Variants in RALYL observed in about 807,000 individuals in gnomAD.
RALYL encodes the protein RNA-binding Raly-like protein.
Under a neutral mutation model 35.1 loss-of-function variants are expected in RALYL, and 29 were observed. The observed-to-expected ratio is 0.83, with a 90% CI of 0.61 to 1.13. The LOEUF is 1.13. Among genes scored for constraint, RALYL ranks in the 50% most tolerant of loss-of-function variants. The pLI, the probability that RALYL is intolerant of heterozygous loss-of-function variation, is 0.00. For missense variants in RALYL, 359 were observed against 360.4 expected, an observed-to-expected ratio of 1.00 and a Z score of 0.03; for synonymous variants, 120 against 127.6, an observed-to-expected ratio of 0.94 and a Z score of 0.40.
intron 8 of RALYL, among the ~76,000 whole-genome samples, chr8:84,904,065 T>G (rs1446529003): frequency 6.6e-6 from 1 of 152,204 alleles, no homozygotes; most frequent in Non-Finnish European, 1.5e-5. Context: ...AATCGCAGAT[T>G]ATATTCTAAA....
chr8:84,437,946 A>G (rs556901889), intron 1 of RALYL, among the ~76,000 whole-genome samples: 2 of 152,142 alleles, frequency 1.3e-5, no homozygotes. Context: ...ACCTCTTTTC[A>G]TTATCAATTA....
chr8:84,575,692 G>A (rs941736967), intron 2 of RALYL, among the ~76,000 whole-genome samples: 1 of 152,060 alleles, frequency 6.6e-6, no homozygotes, highest in African/African-American at 2.4e-5. Flanking sequence ...TAATGGGAGG[G>A]GATTTTATCT....
intron 8 of RALYL, among the ~76,000 whole-genome samples, chr8:84,918,379 G>A (rs908158088): frequency 1.3e-5 from 2 of 151,946 alleles, no homozygotes; most frequent in African/African-American, 4.8e-5. Flanking sequence ...TTGTCAAGTA[G>A]AAGTAATTGC....
At chr8:84,654,312 T>C (rs1829521844) in intron 2 of RALYL, among the ~76,000 whole-genome samples, 1 of 129,856 alleles carries the variant, frequency 7.7e-6, no homozygotes, top group Non-Finnish European at 1.6e-5. Context: ...TATATATATA[T>C]ATCATGTACC....
chr8:84,213,889 A>G (rs1488936563), intron 1 of RALYL, among the ~76,000 whole-genome samples: 1 of 152,192 alleles, frequency 6.6e-6, no homozygotes, highest in African/African-American at 2.4e-5. Context: ...CCTTATTACT[A>G]TAAGAGTGAC....
chr8:84,324,899 T>C (rs73291372), intron 1 of RALYL, among the ~76,000 whole-genome samples: 7,206 of 152,196 alleles, frequency 0.047, 264 homozygotes, highest in African/African-American at 0.083. Flanking sequence ...AGGAAGCATC[T>C]TAAAATATAT....
chr8:84,845,234 A>G (rs566908558), intron 4 of RALYL, among the ~76,000 whole-genome samples: 4 of 152,252 alleles, frequency 2.6e-5, no homozygotes, highest in African/African-American at 9.6e-5. Context: ...CCCTCAATCA[A>G]TAGCAATTGA....
intron 2 of RALYL, chr8:84,678,784 TG>T (rs1255933566): frequency 6.5e-6 from 1 of 153,306 alleles, no homozygotes; most frequent in African/African-American, 2.4e-5. Context: ...GCTGAAGCAC[TG>T]GCATCTCTTA....
chr8:84,370,630 G>A (rs115654677), intron 1 of RALYL, among the ~76,000 whole-genome samples: 1,659 of 152,122 alleles, frequency 0.011, 30 homozygotes, highest in African/African-American at 0.038. Flanking sequence ...AAGGCAGTGT[G>A]CAGCAAGTGA....
intron 6 of RALYL, among the ~76,000 whole-genome samples, chr8:84,869,813 A>T (rs1274693466): frequency 6.6e-6 from 1 of 152,190 alleles, no homozygotes; most frequent in Non-Finnish European, 1.5e-5. Context: ...ATTTTTGGCC[A>T]CATAAGTCAG....
chr8:84,840,560 A>G (rs968700604), intron 4 of RALYL, among the ~76,000 whole-genome samples: 4 of 152,240 alleles, frequency 2.6e-5, no homozygotes, highest in Non-Finnish European at 5.9e-5. Flanking sequence ...ATTATCCAGG[A>G]GAACTTCCCC....
chr8:84,357,986 A>G (rs538370861), intron 1 of RALYL, among the ~76,000 whole-genome samples: 2 of 151,798 alleles, frequency 1.3e-5, no homozygotes, highest in African/African-American at 4.8e-5. Context: ...GTGGTTCGCC[A>G]TCTACATGAA....
intron 1 of RALYL, among the ~76,000 whole-genome samples, chr8:84,296,560 G>C (rs1287794032): frequency 6.6e-6 from 1 of 150,552 alleles, no homozygotes; most frequent in South Asian, 2.1e-4. Flanking sequence ...GTGACATGCC[G>C]AGTCACAAGA....
intron 1 of RALYL, among the ~76,000 whole-genome samples, chr8:84,218,123 G>A (rs982178983): frequency 1.3e-5 from 2 of 151,996 alleles, no homozygotes; most frequent in Non-Finnish European, 2.9e-5. Context: ...TGGAAACTAT[G>A]GATGAGTGGC....
chr8:84,227,535 A>G (rs1293898067), intron 1 of RALYL, among the ~76,000 whole-genome samples: 1 of 152,198 alleles, frequency 6.6e-6, no homozygotes, highest in Non-Finnish European at 1.5e-5. Flanking sequence ...AAAATTGTAC[A>G]TTCAATACTT....
rs935241860 is a variant in RALYL, at chr8:84,584,696, C to T, written c.256+55119C>T. ...TGAATATTTAGGTGTGTCTTTTTTA[C>T]GTTTCTTTTTCCATTAACTAATATT... On this transcript the variant is annotated intron_variant, in intron 2 of 8. Transcript: ENST00000521268. 5.3e-5 allele frequency among the ~76,000 whole-genome samples: 8 copies of T among 151,888 alleles called. No individual in the cohort carries two copies. The South Asian group carries it at 6.2e-4, about 12-fold the overall frequency.
At chr8:84,819,772 A>G (rs139579484) in intron 4 of RALYL, among the ~76,000 whole-genome samples, 2,039 of 152,310 alleles carry the variant, frequency 0.013, 51 homozygotes, top group African/African-American at 0.046. Context: ...AATGTATAGG[A>G]TCATTAAATA....
At chr8:84,256,024 T>C (rs1586585075) in intron 1 of RALYL, among the ~76,000 whole-genome samples, 1 of 152,144 alleles carries the variant, frequency 6.6e-6, no homozygotes, top group African/African-American at 2.4e-5. Context: ...TGGGTGATTG[T>C]AAAATAAACA....
intron 1 of RALYL, among the ~76,000 whole-genome samples, chr8:84,361,524 A>G (rs1015667050): frequency 2.0e-5 from 3 of 152,220 alleles, no homozygotes; most frequent in South Asian, 2.1e-4. Flanking sequence ...ATCTAGTCAC[A>G]TATTATTTAC....
Sources: allele counts gnomAD v4.1 joint callset (sites outside exome capture counted in the v4.1 genomes callset), GRCh38; gene constraint gnomAD v4.1.1; transcripts MANE v1.5; gene names NCBI Gene and HGNC (gene_info 2026-07-23, HGNC 2026-07-21).